The following CEP128 variants were observed in gnomAD, a reference collection of about 807,000 sequenced individuals.
CEP128 encodes centrosomal protein 128.
In CEP128, 132 loss-of-function variants were observed where a neutral mutation model predicts 156.7. That is an observed-to-expected ratio of 0.84 (90% CI 0.73 to 0.97). CEP128 has a LOEUF of 0.97. Ranked by LOEUF, CEP128 falls within the 50% of genes least tolerant of loss-of-function variation. The pLI, the probability that CEP128 is intolerant of heterozygous loss-of-function variation, is 0.00. For missense variants in CEP128, 1,252 were observed against 1,281.9 expected, an observed-to-expected ratio of 0.98 and a Z score of 0.36; for synonymous variants, 469 against 448.9, an observed-to-expected ratio of 1.04 and a Z score of -0.57.
At chr14:80,541,840 T>C (rs1056990847) in intron 21 of CEP128, among the ~76,000 whole-genome samples, 1 of 152,344 alleles carries the variant, frequency 6.6e-6, no homozygotes, top group East Asian at 1.9e-4. Flanking sequence ...ATACCTCCTG[T>C]AACATGACAG....
At chr14:80,593,568 A>AAAAC (rs1892180475) in intron 19 of CEP128, among the ~76,000 whole-genome samples, 1 of 151,416 alleles carries the variant, frequency 6.6e-6, no homozygotes, top group Non-Finnish European at 1.5e-5. Context: ...AAAAAAAAGA[A>AAAAC]AACCCCATCT....
chr14:80,840,591 A>G (rs1886303477), intron 10 of CEP128, 91 bp downstream of exon 10: 2 of 770,244 alleles, frequency 2.6e-6, no homozygotes, highest in South Asian at 3.3e-5. Flanking sequence ...CAATGTTCTA[A>G]AGGATCCTGG....
Position 80,792,938 on chromosome 14 carries a change from T to A in CEP128, c.1382A>T (p.Tyr461Phe), listed in dbSNP as rs1309403177. 6.2e-7 allele frequency: 1 copy of A among 1,614,068 alleles called. No individual in the cohort carries two copies. Among genetic ancestry groups the A allele is most frequent in the Non-Finnish European group, 8.5e-7 (1 of 1,180,032 alleles). ...AEDATKQAER[Y>F]LSELQQSEAL... ...CTCTGACTGCTGGAGCTCACTGAGG[T>A]ACCGCTCAGCCTGCTTGGTTGCATC... Residue 461 changes from tyrosine (Y) to phenylalanine (F), a missense_variant, in exon 14 of 25, where the codon TAC (tyrosine) becomes TTC (phenylalanine). Physicochemically the swap from Tyr to Phe is conservative, Grantham distance 22 (BLOSUM62 3). Transcript: ENST00000555265.
chr14:80,916,255 A>G (rs1594842940), intron 3 of CEP128, 146 bp downstream of exon 3: 1 of 660,558 alleles, frequency 1.5e-6, no homozygotes, highest in African/African-American at 1.8e-5. Context: ...GATGTACAAG[A>G]CCTTAAGATA....
intron 23 of CEP128, among the ~76,000 whole-genome samples, chr14:80,517,078 C>T (rs973400527): frequency 6.6e-6 from 1 of 152,020 alleles, no homozygotes; most frequent in Admixed American, 6.5e-5. Context: ...TCATTAGGAG[C>T]TGTAGTAATG....
rs1566623968 is a variant in CEP128, at chr14:80,785,065, T to C, written c.2041A>G (p.Thr681Ala). 1 of 1,614,220 alleles carries C rather than the reference T, an allele frequency of 6.2e-7. No individual in the cohort carries two copies. ...TCCAGCTTTAACTGTGTGATGATTG[T>C]AGCTGTTTCTTCATCCCTGGATTTT... ...QAKSRDEETA[T>A]IITQLKLERD... The change falls in exon 15 of 25, where the codon ACA becomes GCA. Residue 681 changes from threonine to alanine, a missense_variant. Transcript: ENST00000555265.
intron 19 of CEP128, among the ~76,000 whole-genome samples, chr14:80,653,424 A>T (rs1468153190): frequency 6.6e-6 from 1 of 152,146 alleles, no homozygotes. Context: ...CAAGGTGAAG[A>T]TCAAGTACCA....
chr14:80,922,761 T>C (rs1164286912), intron 2 of CEP128, among the ~76,000 whole-genome samples: 1 of 152,144 alleles, frequency 6.6e-6, no homozygotes, highest in Non-Finnish European at 1.5e-5. Flanking sequence ...TTACCCTCAT[T>C]ATCATAAGAA....
At chr14:80,907,177 T>C (rs1049864048) in intron 4 of CEP128, among the ~76,000 whole-genome samples, 1 of 152,142 alleles carries the variant, frequency 6.6e-6, no homozygotes, top group Admixed American at 6.5e-5. Context: ...GTCTGGCTAT[T>C]TGGATTTGGC....
intron 21 of CEP128, among the ~76,000 whole-genome samples, chr14:80,545,919 G>T (rs1419858241): frequency 6.6e-6 from 1 of 152,146 alleles, no homozygotes; most frequent in Non-Finnish European, 1.5e-5. Flanking sequence ...TCCTACCCCG[G>T]GTCAACTGAA....
At chr14:80,700,670 G>C (rs1897045645) in intron 19 of CEP128, among the ~76,000 whole-genome samples, 1 of 152,110 alleles carries the variant, frequency 6.6e-6, no homozygotes, top group African/African-American at 2.4e-5. Flanking sequence ...TATGTGATTA[G>C]TAACTAAGAG....
chr14:80,573,760 T>G (rs1282967973), intron 20 of CEP128, among the ~76,000 whole-genome samples: 2 of 152,184 alleles, frequency 1.3e-5, no homozygotes, highest in Non-Finnish European at 2.9e-5. Context: ...TTCTTTCTGG[T>G]GTAACTTTGT....
intron 19 of CEP128, among the ~76,000 whole-genome samples, chr14:80,708,490 T>C (rs975364891): frequency 1.3e-5 from 2 of 152,144 alleles, no homozygotes; most frequent in Admixed American, 1.3e-4. Context: ...TTCGATTATT[T>C]TCCATTTTTT....
intron 2 of CEP128, among the ~76,000 whole-genome samples, chr14:80,935,881 A>C (rs554045825): frequency 1.3e-5 from 2 of 152,324 alleles, no homozygotes; most frequent in East Asian, 3.9e-4. Flanking sequence ...GTAGCCCTAG[A>C]GTAAACATAG....
chr14:80,753,949 C>T (rs977735874), intron 18 of CEP128, among the ~76,000 whole-genome samples: 13 of 152,198 alleles, frequency 8.5e-5, no homozygotes, highest in Admixed American at 1.3e-4. Context: ...TTTCTTAATT[C>T]AGACTCTCAC....
intron 8 of CEP128, among the ~76,000 whole-genome samples, chr14:80,895,309 T>C (rs1007381300): frequency 2.0e-4 from 30 of 152,152 alleles, no homozygotes; most frequent in African/African-American, 7.2e-4. Context: ...ACATGTGAGA[T>C]GACCTGAAAA....
chr14:80,541,443 T>TTAA (rs1555372783), intron 21 of CEP128, among the ~76,000 whole-genome samples: 26 of 109,936 alleles, frequency 2.4e-4, no homozygotes, highest in South Asian at 3.0e-4. Flanking sequence ...ATGACTGTGT[T>TTAA]AAAAAAAAAA....
At chr14:80,561,882 T>C (rs1890689628) in intron 20 of CEP128, among the ~76,000 whole-genome samples, 1 of 129,330 alleles carries the variant, frequency 7.7e-6, no homozygotes, top group African/African-American at 3.0e-5. Flanking sequence ...TCCATTTTGT[T>C]GAAATACGAA....
intron 19 of CEP128, among the ~76,000 whole-genome samples, chr14:80,649,539 T>A (rs1432134134): frequency 6.6e-6 from 1 of 152,088 alleles, no homozygotes; most frequent in Non-Finnish European, 1.5e-5. Context: ...AGCATGACGT[T>A]CAGGTCACTT....
Sources: allele counts gnomAD v4.1 joint callset (sites outside exome capture counted in the v4.1 genomes callset), GRCh38; gene constraint gnomAD v4.1.1; transcripts MANE v1.5; gene names NCBI Gene and HGNC (gene_info 2026-07-23, HGNC 2026-07-21).